RTL4: variants seen among roughly 807,000 people sequenced by gnomAD.
The protein encoded by RTL4 is retrotransposon Gag-like protein 4.
Under a neutral mutation model 5.3 loss-of-function variants are expected in RTL4, and 4 were observed. The observed-to-expected ratio is 0.75, with a 90% CI of 0.37 to 1.72. RTL4 has a LOEUF of 1.72. Ranked by LOEUF, RTL4 falls within the 40% of genes most tolerant of loss-of-function variation. The pLI is 0.04. For synonymous variants in RTL4, 98 were observed against 87.3 expected, an observed-to-expected ratio of 1.12 and a Z score of -0.68; for missense variants, 260 against 227.1, an observed-to-expected ratio of 1.14 and a Z score of -0.93.
chrX:112,253,846 C>T, the RTL4 span, among the ~76,000 whole-genome samples: 5 of 111,908 alleles, frequency 4.5e-5, no homozygotes, highest in African/African-American at 1.3e-4. Flanking sequence ...GGTTCCTCAT[C>T]CCCTAGGCTT....
chrX:112,260,733 G>T, the RTL4 span, among the ~76,000 whole-genome samples: 2 of 111,477 alleles, frequency 1.8e-5, no homozygotes, highest in African/African-American at 3.3e-5. Context: ...TATTTAATCC[G>T]CATCCTTCTT....
chrX:112,215,472 T>A, the RTL4 span, among the ~76,000 whole-genome samples: 550 of 112,216 alleles, frequency 4.9e-3, 3 homozygotes, highest in African/African-American at 0.017. Flanking sequence ...GGGAGTTCCT[T>A]ATATATTTTG....
At chrX:112,265,363 G>A in the RTL4 span, among the ~76,000 whole-genome samples, 6 of 112,221 alleles carry the variant, frequency 5.3e-5, no homozygotes, top group African/African-American at 9.7e-5. Flanking sequence ...CTCCCAGAGC[G>A]TGGCCTTGAT....
At chrX:112,209,862 G>A in the RTL4 span, among the ~76,000 whole-genome samples, 2 of 111,726 alleles carry the variant, frequency 1.8e-5, no homozygotes, top group South Asian at 7.6e-4. Context: ...GAGCTGTCTT[G>A]CAAAAGGAGA....
the RTL4 span, among the ~76,000 whole-genome samples, chrX:112,431,111 T>C: frequency 9.0e-6 from 1 of 110,846 alleles, no homozygotes; most frequent in African/African-American, 3.3e-5. Flanking sequence ...TCTCTCTCTT[T>C]AGGTACCACA....
chrX:112,414,731 G>A, the RTL4 span, among the ~76,000 whole-genome samples: 2 of 111,480 alleles, frequency 1.8e-5, no homozygotes, highest in African/African-American at 6.5e-5. Flanking sequence ...ATATTACTTA[G>A]GCAAGTCACT....
chrX:112,273,379 G>A, the RTL4 span, among the ~76,000 whole-genome samples: 4 of 108,871 alleles, frequency 3.7e-5, no homozygotes, highest in African/African-American at 6.7e-5. Flanking sequence ...TCAGCCTCCC[G>A]AGTAGCTGGG....
the RTL4 span, among the ~76,000 whole-genome samples, chrX:112,204,968 C>T: frequency 2.7e-5 from 3 of 111,499 alleles, no homozygotes; most frequent in Non-Finnish European, 5.7e-5. Context: ...AAAATAGTTT[C>T]CACATATTCA....
chrX:112,272,351 A>G, the RTL4 span, among the ~76,000 whole-genome samples: 1 of 112,094 alleles, frequency 8.9e-6, no homozygotes, highest in Admixed American at 9.5e-5. Context: ...ATTTGAGGCA[A>G]AAGGGTCATT....
chrX:112,315,926 C>T, the RTL4 span, among the ~76,000 whole-genome samples: 1 of 111,927 alleles, frequency 8.9e-6, no homozygotes, highest in South Asian at 3.7e-4. Context: ...CATATGGATT[C>T]ATGTGCAACT....
the RTL4 span, among the ~76,000 whole-genome samples, chrX:112,418,410 T>C: frequency 9.0e-6 from 1 of 111,329 alleles, no homozygotes; most frequent in Non-Finnish European, 1.9e-5. Flanking sequence ...GGAAGCAAAT[T>C]TGAATGGTTA....
At chrX:112,128,659 CAAAAAA>C in the RTL4 span, among the ~76,000 whole-genome samples, 5 of 41,118 alleles carry the variant, frequency 1.2e-4, no homozygotes, top group African/African-American at 2.4e-4. Flanking sequence ...CTCTGTCTCA[CAAAAAA>C]AAAAAAAAAA....
the RTL4 span, among the ~76,000 whole-genome samples, chrX:112,126,691 A>G: frequency 3.6e-5 from 4 of 112,337 alleles, no homozygotes; most frequent in Non-Finnish European, 7.5e-5. Flanking sequence ...AAAAAGACAG[A>G]TGAAAAGAAC....
the RTL4 span, among the ~76,000 whole-genome samples, chrX:112,351,718 T>C: frequency 9.0e-6 from 1 of 110,577 alleles, no homozygotes; most frequent in Non-Finnish European, 1.9e-5. Flanking sequence ...TCCATTTGCT[T>C]GGTAGATCTT....
At chrX:112,450,090 G>T (rs1211336369), upstream of RTL4, among the ~76,000 whole-genome samples, 4 of 112,250 alleles carry the variant, frequency 3.6e-5, no homozygotes, top group East Asian at 1.1e-3. Context: ...TTAGGTCAAA[G>T]CTCCTCTTCC....
chrX:112,242,836 C>T, the RTL4 span, among the ~76,000 whole-genome samples: 1 of 111,499 alleles, frequency 9.0e-6, no homozygotes, highest in African/African-American at 3.3e-5. Flanking sequence ...GTGGGTTTGT[C>T]ATAAATCACT....
the RTL4 span, among the ~76,000 whole-genome samples, chrX:112,349,223 C>G: frequency 9.0e-6 from 1 of 111,532 alleles, no homozygotes; most frequent in Non-Finnish European, 1.9e-5. Flanking sequence ...TGTAGGTTCT[C>G]CTCCCTACAG....
chrX:112,139,185 A>G, the RTL4 span, among the ~76,000 whole-genome samples: 1 of 111,596 alleles, frequency 9.0e-6, no homozygotes, highest in Non-Finnish European at 1.9e-5. Flanking sequence ...TACACATCAC[A>G]TAATATCAGG....
chrX:112,355,341 G>T, the RTL4 span, among the ~76,000 whole-genome samples: 2 of 111,140 alleles, frequency 1.8e-5, no homozygotes, highest in African/African-American at 6.5e-5. Context: ...AGGAACAAAA[G>T]GAAAGGAGGG....
Sources: allele counts gnomAD v4.1 joint callset (sites outside exome capture counted in the v4.1 genomes callset), GRCh38; gene constraint gnomAD v4.1.1; transcripts MANE v1.5; gene names NCBI Gene and HGNC (gene_info 2026-07-23, HGNC 2026-07-21).